The following CAST variants were observed in gnomAD, a reference collection of about 807,000 sequenced individuals.
The protein encoded by CAST is MIR583 host.
A neutral mutation model predicts 119.6 loss-of-function variants in CAST; 76 were observed. The observed-to-expected ratio is 0.64, with a 90% CI of 0.53 to 0.77. The LOEUF is 0.77. CAST is among the 30% of genes least tolerant of loss of function. The pLI is 0.00. For synonymous variants in CAST, 319 were observed against 331.6 expected, an observed-to-expected ratio of 0.96 and a Z score of 0.41; for missense variants, 953 against 946.5, an observed-to-expected ratio of 1.01 and a Z score of -0.09.
the CAST span, among the ~76,000 whole-genome samples, chr5:96,150,162 G>A: frequency 1.9e-4 from 29 of 152,182 alleles, no homozygotes; most frequent in African/African-American, 5.8e-4. Context: ...AAGTGTAACA[G>A]GATCTCTCTG....
chr5:96,021,595 G>A, the CAST span, among the ~76,000 whole-genome samples: 104,063 of 151,558 alleles, frequency 0.69, 35,917 homozygotes, highest in East Asian at 0.83. Flanking sequence ...ACAGGCGCCC[G>A]CCACCACGCC....
chr5:96,648,603 A>G (rs1019492028), intron 1 of CAST, among the ~76,000 whole-genome samples: 1 of 152,210 alleles, frequency 6.6e-6, no homozygotes, highest in Non-Finnish European at 1.5e-5. Context: ...TCTTTGAAGG[A>G]AAAGTTTTTT....
chr5:96,187,788 G>A, the CAST span, among the ~76,000 whole-genome samples: 3 of 152,052 alleles, frequency 2.0e-5, no homozygotes, highest in African/African-American at 4.8e-5. Flanking sequence ...AAACAGCTAC[G>A]TAAATGTTAT....
At chr5:96,666,093 A>G (rs1749299401) in intron 1 of CAST, among the ~76,000 whole-genome samples, 1 of 152,206 alleles carries the variant, frequency 6.6e-6, no homozygotes, top group Non-Finnish European at 1.5e-5. Flanking sequence ...AACTTTCAAA[A>G]TTTAGGCAGA....
chr5:96,257,351 C>T, the CAST span, among the ~76,000 whole-genome samples: 5 of 152,010 alleles, frequency 3.3e-5, no homozygotes, highest in African/African-American at 1.2e-4. Flanking sequence ...AAATGCATTA[C>T]AAATAATATG....
At chr5:96,120,418 A>G in the CAST span, among the ~76,000 whole-genome samples, 1 of 152,006 alleles carries the variant, frequency 6.6e-6, no homozygotes, top group East Asian at 1.9e-4. Context: ...CCTTGCTCCT[A>G]TCCTGTTTGC....
At chr5:96,480,096 A>G in the CAST span, among the ~76,000 whole-genome samples, 1 of 152,214 alleles carries the variant, frequency 6.6e-6, no homozygotes, top group Non-Finnish European at 1.5e-5. Flanking sequence ...TTGGAAAAAC[A>G]TTAACCATTT....
At chr5:96,372,791 G>C in the CAST span, among the ~76,000 whole-genome samples, 1 of 152,014 alleles carries the variant, frequency 6.6e-6, no homozygotes, top group Non-Finnish European at 1.5e-5. Flanking sequence ...CTCTTTCCTG[G>C]CTTTATGGAT....
the CAST span, among the ~76,000 whole-genome samples, chr5:96,034,559 G>A: frequency 7.0e-6 from 1 of 142,022 alleles, no homozygotes; most frequent in African/African-American, 2.6e-5. Flanking sequence ...TATATATAAT[G>A]GAATGCCTAA....
chr5:96,349,667 A>G, the CAST span, among the ~76,000 whole-genome samples: 3 of 152,178 alleles, frequency 2.0e-5, no homozygotes, highest in African/African-American at 7.2e-5. Flanking sequence ...AAGAAGGTGC[A>G]TTGGAAAATA....
At chr5:96,417,140 G>A in the CAST span, among the ~76,000 whole-genome samples, 1 of 152,082 alleles carries the variant, frequency 6.6e-6, no homozygotes, top group Admixed American at 6.6e-5. Flanking sequence ...CTACTATACT[G>A]GCCATCTATT....
At chr5:96,277,606 G>T in the CAST span, among the ~76,000 whole-genome samples, 59 of 152,268 alleles carry the variant, frequency 3.9e-4, 2 homozygotes, top group South Asian at 0.011. Flanking sequence ...TAGTGGGTGG[G>T]TGGGGATCGG....
the CAST span, among the ~76,000 whole-genome samples, chr5:96,364,457 C>T: frequency 6.6e-6 from 1 of 152,112 alleles, no homozygotes; most frequent in Non-Finnish European, 1.5e-5. Flanking sequence ...TGGTCCTGAA[C>T]TTTTTTTGGT....
the CAST span, among the ~76,000 whole-genome samples, chr5:96,326,340 A>G: frequency 6.6e-6 from 1 of 152,100 alleles, no homozygotes; most frequent in African/African-American, 2.4e-5. Context: ...TAATGTCTCT[A>G]CTACCCTTAC....
At chr5:96,714,653 T>C (rs1756873943) in intron 3 of CAST, 1 of 152,202 alleles carries the variant, frequency 6.6e-6, no homozygotes, top group African/African-American at 2.4e-5. Flanking sequence ...AGCCAGAGAT[T>C]AGACATATTT....
At chr5:96,379,127 G>A in the CAST span, among the ~76,000 whole-genome samples, 1 of 152,086 alleles carries the variant, frequency 6.6e-6, no homozygotes, top group Non-Finnish European at 1.5e-5. Context: ...TCAAAAATTA[G>A]GAATCTTTAT....
chr5:96,553,113 G>C (rs545610070), intron 1 of CAST, among the ~76,000 whole-genome samples: 1 of 152,076 alleles, frequency 6.6e-6, no homozygotes, highest in African/African-American at 2.4e-5. Flanking sequence ...ACAAAAAAAA[G>C]AGAATTTTAG....
chr5:96,001,849 T>C, the CAST span, among the ~76,000 whole-genome samples: 1 of 152,252 alleles, frequency 6.6e-6, no homozygotes, highest in Non-Finnish European at 1.5e-5. Context: ...CTGAATATTC[T>C]CTTATTCTTA....
the CAST span, among the ~76,000 whole-genome samples, chr5:96,136,701 C>G: frequency 6.6e-6 from 1 of 152,128 alleles, no homozygotes; most frequent in East Asian, 1.9e-4. Context: ...TTTATTACTA[C>G]CTGTGTAATT....
Sources: gnomAD v4.1 joint callset for allele counts (sites outside exome capture counted in the v4.1 genomes callset) on GRCh38, gnomAD v4.1.1 for gene constraint, MANE v1.5 for transcripts, NCBI Gene and HGNC (gene_info 2026-07-23, HGNC 2026-07-21) for gene names.